NFIB: variants seen among roughly 807,000 people sequenced by gnomAD.
NFIB encodes the protein nuclear factor 1 B-type.
A neutral mutation model predicts 61.5 loss-of-function variants in NFIB; 11 were observed. The observed-to-expected ratio is 0.18, with a 90% confidence interval of 0.11 to 0.30. The LOEUF (loss-of-function observed/expected upper bound fraction) is 0.30. Among genes scored for constraint, NFIB ranks in the 10% least tolerant of loss-of-function variants. The pLI is 1.00. For synonymous variants in NFIB, 260 were observed against 216.5 expected (o/e 1.20, Z -1.76); for missense variants, 471 against 608.9 (o/e 0.77, Z 2.38).
chr9:14,349,126 T>C (rs560060242), intron 1 of NFIB, among the ~76,000 whole-genome samples: 5 of 152,364 alleles, frequency 3.3e-5, no homozygotes, highest in Admixed American at 3.3e-4. Context: ...CAGATCTCTG[T>C]ATTTTTAAAC....
intron 1 of NFIB, among the ~76,000 whole-genome samples, chr9:14,330,106 CACAGAGAGAGACTCCGTCTCAAAAA>C (rs1783297157): frequency 6.6e-6 from 1 of 151,786 alleles, no homozygotes; most frequent in Non-Finnish European, 1.5e-5. Flanking sequence ...CAGCCTGGGC[CACAGAGAGAGACTCCGTCTCAAAAA>C]ACAAAACAGA....
intron 2 of NFIB, among the ~76,000 whole-genome samples, chr9:14,202,846 C>A (rs2049202691): frequency 6.6e-6 from 1 of 152,194 alleles, no homozygotes; most frequent in Non-Finnish European, 1.5e-5. Flanking sequence ...TCCATGAACT[C>A]TACCATTTTT....
intron 1 of NFIB, among the ~76,000 whole-genome samples, chr9:14,375,530 C>T (rs555542125): frequency 6.6e-6 from 1 of 152,178 alleles, no homozygotes; most frequent in East Asian, 1.9e-4. Flanking sequence ...TGGAGGTGGG[C>T]ACCTGCAATC....
At chr9:14,321,876 A>G in intron 1 of NFIB, 2 of 1,231,198 alleles carry the variant, frequency 1.6e-6, no homozygotes, top group Non-Finnish European at 1.0e-6. Flanking sequence ...TGTGCCAGGG[A>G]TAGGAGGGGG....
the NFIB span, among the ~76,000 whole-genome samples, chr9:14,500,112 T>C: frequency 6.6e-6 from 1 of 152,274 alleles, no homozygotes; most frequent in East Asian, 1.9e-4. Flanking sequence ...TGGTCTGCTT[T>C]AAATTTCTCC....
Position 14,087,941 on chromosome 9 carries a change from G to A in NFIB, c.*368C>T, listed in dbSNP as rs542351570. ...AGAGACAGAACATCTATTTCCCAGCGGACTTCATGTAACAAAGGCTACGTT... is the reference window on the plus strand; with the variant it reads ...AGAGACAGAACATCTATTTCCCAGCAGACTTCATGTAACAAAGGCTACGTT... On this transcript the variant is annotated 3_prime_UTR_variant, in exon 11 of 11. Transcript: ENST00000380953. 11 of 253,300 alleles carry A rather than the reference G, an allele frequency of 4.3e-5. No homozygotes were observed. Among genetic ancestry groups the A allele is most frequent in the South Asian group, 1.3e-4 (1 of 7,416 alleles). The allele number at this position is 253,300 out of a possible 1,614,324, so 15.7% of individuals were successfully genotyped here.
At chr9:14,206,175 CTCT>C (rs1331207176) in intron 2 of NFIB, among the ~76,000 whole-genome samples, 22 of 140,284 alleles carry the variant, frequency 1.6e-4, no homozygotes, top group African/African-American at 4.5e-4. Flanking sequence ...AACTCTCTCT[CTCT>C]TTTTTTTTTT....
upstream of NFIB, among the ~76,000 whole-genome samples, chr9:14,401,766 G>A (rs2061745183): frequency 6.6e-6 from 1 of 152,084 alleles, no homozygotes; most frequent in African/African-American, 2.4e-5. Flanking sequence ...TCTCTTATGG[G>A]AGGCACATCC....
At chr9:14,348,228 C>G (rs115810763) in intron 1 of NFIB, among the ~76,000 whole-genome samples, 8 of 152,118 alleles carry the variant, frequency 5.3e-5, no homozygotes, top group Admixed American at 2.0e-4. Flanking sequence ...TTATATCATA[C>G]AACTGCAGCG....
chr9:14,493,822 A>C, the NFIB span, among the ~76,000 whole-genome samples: 1 of 152,182 alleles, frequency 6.6e-6, no homozygotes, highest in South Asian at 2.1e-4. Context: ...TTCTCCTTGT[A>C]GGTAAAGGTT....
At chr9:14,409,333 G>A in the NFIB span, among the ~76,000 whole-genome samples, 1 of 152,142 alleles carries the variant, frequency 6.6e-6, no homozygotes, top group African/African-American at 2.4e-5. Context: ...GTTCTTATGA[G>A]CAGGTGCAAG....
the NFIB span, among the ~76,000 whole-genome samples, chr9:14,491,464 C>G: frequency 6.6e-6 from 1 of 152,140 alleles, no homozygotes; most frequent in Non-Finnish European, 1.5e-5. Context: ...CAACTACAAC[C>G]ATTCTGGGGC....
chr9:14,477,787 GT>G, the NFIB span, among the ~76,000 whole-genome samples: 9 of 152,154 alleles, frequency 5.9e-5, no homozygotes, highest in Non-Finnish European at 1.0e-4. Flanking sequence ...TTGGATTAAG[GT>G]TTTGTTTTGT....
the NFIB span, among the ~76,000 whole-genome samples, chr9:14,411,741 G>T: frequency 6.6e-6 from 1 of 152,104 alleles, no homozygotes; most frequent in Non-Finnish European, 1.5e-5. Flanking sequence ...CCCCATCCTG[G>T]TATTTATGCC....
the NFIB span, among the ~76,000 whole-genome samples, chr9:14,529,189 A>G: frequency 6.6e-6 from 1 of 152,170 alleles, no homozygotes; most frequent in South Asian, 2.1e-4. Context: ...CTAGGAAGGA[A>G]AACAGATGTA....
At chr9:14,237,365 C>A (rs1311872238) in intron 2 of NFIB, among the ~76,000 whole-genome samples, 1 of 152,196 alleles carries the variant, frequency 6.6e-6, no homozygotes, top group Non-Finnish European at 1.5e-5. Flanking sequence ...CTCTTCTCAT[C>A]CATCTTCAGA....
intron 5 of NFIB, among the ~76,000 whole-genome samples, chr9:14,149,605 A>C (rs910291156): frequency 2.6e-5 from 4 of 152,202 alleles, no homozygotes; most frequent in African/African-American, 9.6e-5. Flanking sequence ...GGTTAAACCA[A>C]ATCTCAGGGA....
the NFIB span, among the ~76,000 whole-genome samples, chr9:14,442,404 A>G: frequency 1.3e-5 from 2 of 152,296 alleles, no homozygotes; most frequent in South Asian, 2.1e-4. Context: ...CAAAAAATGC[A>G]TTTGACAAAA....
In NFIB at chr9:14,125,663, G is replaced by A. The variant is rs2039549391; in HGVS notation, c.1029C>T (p.His343=). ...GTGCAACTCCAGGTATTCCGGGATG[G>A]TGGTGCTGGGGGAAAGTGCTCAGTC... ...SPRLSTFPQH[H]HPGIPGVAHS... The change falls in exon 7 of 11, where the codon CAC becomes CAT. Residue 343 remains histidine, a synonymous_variant. Coordinates refer to ENST00000380953, the MANE Select transcript of NFIB (RefSeq NM_001190737.2). 1 of 1,614,046 alleles carries A rather than the reference G, an allele frequency of 6.2e-7. No homozygotes were observed. Among genetic ancestry groups the A allele is most frequent in the Non-Finnish European group, 8.5e-7 (1 of 1,180,016 alleles).
Sources: gnomAD v4.1 joint callset for allele counts (sites outside exome capture counted in the v4.1 genomes callset) on GRCh38, gnomAD v4.1.1 for gene constraint, MANE v1.5 for transcripts, NCBI Gene and HGNC (gene_info 2026-07-23, HGNC 2026-07-21) for gene names.